Variants in ERC1 observed in about 807,000 individuals in gnomAD.
The protein encoded by ERC1 is RAB6 interacting protein 2.
Under a neutral mutation model 132.0 loss-of-function variants are expected in ERC1, and 56 were observed. That is an observed-to-expected ratio of 0.42 (90% CI 0.34 to 0.53). The LOEUF is 0.53. ERC1 is among the 20% of genes least tolerant of loss of function. The pLI is 0.03. For missense variants in ERC1, 1,202 were observed against 1,349.9 expected, an observed-to-expected ratio of 0.89 and a Z score of 1.72; for synonymous variants, 478 against 476.1, an observed-to-expected ratio of 1.00 and a Z score of -0.05.
In ERC1 at chr12:1,306,166, T is replaced by G. The variant is rs115224047; in HGVS notation, c.2780+16154T>G. Among the ~76,000 whole-genome samples, 639 of 152,188 alleles carry G rather than the reference T, an allele frequency of 4.2e-3. 5 individuals are homozygous for G. The highest frequency in any genetic ancestry group is 0.014 in the African/African-American group (593 of 41,518). ...CAGCTCCTGTTGCTTTGGCTCAGAG[T>G]TCCATTCTACCTCATGATAAACACC... On this transcript the variant is annotated intron_variant, in intron 15 of 18. Transcript: ENST00000360905.
intron 2 of ERC1, among the ~76,000 whole-genome samples, chr12:1,039,837 A>G (rs1164536681): frequency 3.3e-5 from 5 of 152,220 alleles, no homozygotes; most frequent in African/African-American, 1.2e-4. Context: ...TATCAGCTAC[A>G]TGCCTCTGCT....
intron 18 of ERC1, among the ~76,000 whole-genome samples, chr12:1,487,774 AGGGAGGAAGG>A (rs2094252275): frequency 2.7e-5 from 1 of 37,346 alleles, no homozygotes; most frequent in Non-Finnish European, 1.2e-4. Flanking sequence ...GGAGGGAGGG[AGGGAGGAAGG>A]AAGAAAAGAA....
At chr12:1,363,232 T>A (rs2086304117) in intron 15 of ERC1, among the ~76,000 whole-genome samples, 2 of 152,094 alleles carry the variant, frequency 1.3e-5, no homozygotes, top group African/African-American at 4.8e-5. Flanking sequence ...AGATGTCGAG[T>A]TTTTTGCCCA....
intron 9 of ERC1, 142 bp from the exon 10 acceptor site, chr12:1,181,783 C>CAA (rs35973834): frequency 0.014 from 9,924 of 685,834 alleles, no homozygotes; most frequent in Non-Finnish European, 0.016. Context: ...AACTCTGTCT[C>CAA]AAAAAAAAAA....
intron 14 of ERC1, among the ~76,000 whole-genome samples, chr12:1,265,650 G>C (rs1358056013): frequency 2.0e-5 from 3 of 152,128 alleles, no homozygotes; most frequent in Non-Finnish European, 4.4e-5. Flanking sequence ...AATGTATAAT[G>C]ACATGCATCT....
intron 13 of ERC1, among the ~76,000 whole-genome samples, chr12:1,250,658 A>G (rs1436743490): frequency 6.6e-6 from 1 of 152,158 alleles, no homozygotes; most frequent in Non-Finnish European, 1.5e-5. Flanking sequence ...AGAGCCTTGT[A>G]TGTTTTAACA....
intron 2 of ERC1, among the ~76,000 whole-genome samples, chr12:1,065,473 G>T (rs1420977317): frequency 1.3e-5 from 1 of 76,474 alleles, no homozygotes; most frequent in African/African-American, 4.1e-5. Flanking sequence ...CTATTTCTTT[G>T]TACCGTTTGT....
At chr12:1,159,871 G>A (rs1951730079) in intron 8 of ERC1, among the ~76,000 whole-genome samples, 1 of 152,148 alleles carries the variant, frequency 6.6e-6, no homozygotes, top group Non-Finnish European at 1.5e-5. Context: ...TTCTTCATCT[G>A]TAGAGTGGAT....
intron 8 of ERC1, among the ~76,000 whole-genome samples, chr12:1,164,583 G>T (rs969112921): frequency 6.6e-6 from 1 of 151,954 alleles, no homozygotes; most frequent in Non-Finnish European, 1.5e-5. Context: ...CTCGTGATCC[G>T]CCCACCTCAG....
intron 14 of ERC1, among the ~76,000 whole-genome samples, chr12:1,272,343 T>C (rs1254475088): frequency 6.6e-6 from 1 of 152,192 alleles, no homozygotes; most frequent in African/African-American, 2.4e-5. Flanking sequence ...CCCAGAGAAA[T>C]GTCGTATTTA....
chr12:1,226,100 C>G, intron 12 of ERC1, among the ~76,000 whole-genome samples: 1 of 151,938 alleles, frequency 6.6e-6, no homozygotes. Context: ...CTTTTTATTT[C>G]CTCTAGTGAT....
chr12:1,090,866 GTTATTATTATTATTATTATTATTA>G (rs746269720), intron 3 of ERC1, among the ~76,000 whole-genome samples: 13 of 26,618 alleles, frequency 4.9e-4, no homozygotes, highest in African/African-American at 1.3e-3. Context: ...TGTTGTTGTT[GTTATTATTATTATTATTATTATTA>G]TTATTATTAT....
intron 2 of ERC1, among the ~76,000 whole-genome samples, chr12:1,073,990 G>A (rs976255171): frequency 6.7e-6 from 1 of 150,040 alleles, no homozygotes; most frequent in South Asian, 2.1e-4. Context: ...TTAGCCTCCT[G>A]AGTAGCTGGG....
At chr12:1,222,821 T>G (rs1373519860) in intron 12 of ERC1, among the ~76,000 whole-genome samples, 1 of 152,212 alleles carries the variant, frequency 6.6e-6, no homozygotes, top group Non-Finnish European at 1.5e-5. Flanking sequence ...AATTGTAGCC[T>G]CTGGCAAATG....
At chr12:1,073,189 T>C (rs1940722281) in intron 2 of ERC1, among the ~76,000 whole-genome samples, 1 of 151,956 alleles carries the variant, frequency 6.6e-6, no homozygotes, top group Non-Finnish European at 1.5e-5. Flanking sequence ...TAGTCCCAGC[T>C]ACTTGGGAGG....
rs781452283 is a variant in ERC1, at chr12:1,204,552, G to A, written c.2351+14500G>A. ...ACTAAAACAAAGATGATGTGATTGA[G>A]CGTTGTTTGCGAATATTGTCTTGAA... On this transcript the variant is annotated intron_variant, in intron 12 of 18. Coordinates refer to ENST00000360905, the MANE Select transcript of ERC1 (RefSeq NM_178040.4). The A allele has an allele frequency of 1.4e-5, 22 of 1,567,948 alleles. No homozygotes were observed. In the South Asian group the frequency reaches 2.1e-4, roughly 15 times the overall value.
At position 1,409,053 on chromosome 12, in the gene ERC1, A is replaced by C. The variant is rs140014780; in HGVS notation, c.3024+806A>C. Among the ~76,000 whole-genome samples the C allele has an allele frequency of 4.6e-5, 7 of 152,324 alleles. No homozygotes were observed. The East Asian group carries it at 1.3e-3, about 29-fold the overall frequency. Reference sequence around the variant, plus strand: ...GCATCAAGGAAAACTTTCCTGCTAAACGTCTCCACTAAATAACAGCTATGG... The same window carrying C: ...GCATCAAGGAAAACTTTCCTGCTAACCGTCTCCACTAAATAACAGCTATGG... On this transcript the variant is annotated intron_variant, in intron 17 of 18. Transcript: ENST00000360905.
At chr12:1,062,311 G>T (rs1306711114) in intron 2 of ERC1, among the ~76,000 whole-genome samples, 1 of 152,002 alleles carries the variant, frequency 6.6e-6, no homozygotes, top group Non-Finnish European at 1.5e-5. Context: ...AAATGAAGAC[G>T]GGGTTTTGCC....
At chr12:1,248,732 G>A (rs745956212) in intron 13 of ERC1, among the ~76,000 whole-genome samples, 1 of 152,208 alleles carries the variant, frequency 6.6e-6, no homozygotes. Flanking sequence ...TCATACAAAA[G>A]TGTTTGCTCA....
Sources: allele counts gnomAD v4.1 joint callset (sites outside exome capture counted in the v4.1 genomes callset), GRCh38; gene constraint gnomAD v4.1.1; transcripts MANE v1.5; gene names NCBI Gene and HGNC (gene_info 2026-07-23, HGNC 2026-07-21).